SLC25A3: variants seen among roughly 807,000 people sequenced by gnomAD.
SLC25A3 encodes phosphate transport protein.
A neutral mutation model predicts 37.1 loss-of-function variants in SLC25A3; 14 were observed. That is an observed-to-expected ratio of 0.38 (90% CI 0.25 to 0.59). The LOEUF is 0.59. SLC25A3 is among the 20% of genes least tolerant of loss of function. The probability of loss-of-function intolerance (pLI) is 0.67; values close to 1 mark genes in which losing one functional copy is unlikely to be tolerated. For synonymous variants in SLC25A3, 161 were observed against 168.7 expected, an observed-to-expected ratio of 0.95 and a Z score of 0.36; for missense variants, 385 against 458.1, an observed-to-expected ratio of 0.84 and a Z score of 1.46.
At chr12:98,595,638 T>C (rs1293343057) in intron 2 of SLC25A3, 89 bp from the exon 3 acceptor site, 25 of 1,612,940 alleles carry the variant, frequency 1.5e-5, no homozygotes, top group African/African-American at 2.7e-5. Context: ...TAACAAGCTG[T>C]GTGGAAACCT....
chr12:98,601,077 GA>G, intron 6 of SLC25A3, 93 bp from the exon 7 acceptor site: 1 of 1,432,782 alleles, frequency 7.0e-7, no homozygotes, highest in African/African-American at 1.4e-5. Context: ...TTTAGAACTA[GA>G]AAAATATTAT....
intron 6 of SLC25A3, among the ~76,000 whole-genome samples, 191 bp downstream of exon 6, chr12:98,600,318 A>ACCT (rs2097596726): frequency 6.6e-6 from 1 of 150,952 alleles, no homozygotes; most frequent in African/African-American, 2.4e-5. Context: ...GCTCACTGCA[A>ACCT]CCTCCTCCTC....
intron 2 of SLC25A3, 160 bp downstream of exon 2, chr12:98,594,295 C>T: frequency 1.4e-6 from 1 of 722,222 alleles, no homozygotes; most frequent in Non-Finnish European, 2.5e-6. Context: ...GCCTTTTCCA[C>T]CATAGGCGGG....
chr12:98,597,592 T>C (rs149550150), intron 3 of SLC25A3: 10 of 399,848 alleles, frequency 2.5e-5, no homozygotes, highest in African/African-American at 2.1e-4. Context: ...CCCGTCCAAT[T>C]TTTTGTATTT....
chr12:98,604,229 GCAA>G lies in SLC25A3; in HGVS notation c.*2707_*2709del, dbSNP rs2097599944. Reference sequence around the variant, plus strand: ...ATTGCGCCATTGCACTCCAGCCTGGGCAACAACAGCGAAACTCTGTCTCAAAAA... The same window carrying G: ...ATTGCGCCATTGCACTCCAGCCTGGGCAACAGCGAAACTCTGTCTCAAAAA... On this transcript the variant is annotated 3_prime_UTR_variant, in exon 8 of 8. Coordinates refer to ENST00000552981, the MANE Select transcript of SLC25A3 (RefSeq NM_002635.4). The G allele has an allele frequency of 7.1e-6, 1 of 140,436 alleles. No homozygotes were observed. The highest frequency in any genetic ancestry group is 3.9e-3 in the Middle Eastern group (1 of 254). The allele number at this position is 140,436 out of a possible 1,614,324, so 8.7% of individuals were successfully genotyped here.
intron 4 of SLC25A3, chr12:98,598,240 A>T: frequency 3.0e-6 from 2 of 676,398 alleles, no homozygotes; most frequent in Non-Finnish European, 4.9e-6. Context: ...TTAATATACT[A>T]TCTTGTTTTC....
chr12:98,602,421 C>G lies in SLC25A3; in HGVS notation c.*893C>G, dbSNP rs1238226120. ...TCAGGTGATCCGCCCGCCTCAGCCT[C>G]CCAAACTGCTGGGATTATAGGCATG... On this transcript the variant is annotated 3_prime_UTR_variant, in exon 8 of 8. Transcript: ENST00000552981. The G allele has an allele frequency of 6.6e-6, 1 of 152,254 alleles. No individual in the cohort carries two copies. The highest frequency in any genetic ancestry group is 1.5e-5 in the Non-Finnish European group (1 of 68,058). 9.4% of individuals were successfully genotyped at this position (152,254 alleles called of 1,614,324 possible).
At position 98,601,166 on chromosome 12, in the gene SLC25A3, T is replaced by C; in HGVS notation, c.815-5T>C. 1 of 1,612,274 alleles carries C rather than the reference T, an allele frequency of 6.2e-7. No homozygotes were observed. The highest frequency in any genetic ancestry group is 8.5e-7 in the Non-Finnish European group (1 of 1,179,610). On this transcript the variant is annotated splice_region_variant and splice_polypyrimidine_tract_variant and intron_variant, in intron 6 of 7. Coordinates refer to ENST00000552981, the MANE Select transcript of SLC25A3 (RefSeq NM_002635.4). ...CACTGTATGGGATCCTTTATCTTTT[T>C]TCAGCTGGAGTCTTTTGTGCAATTG...
chr12:98,597,648 T>A, intron 3 of SLC25A3: 1 of 584,516 alleles, frequency 1.7e-6, no homozygotes, highest in African/African-American at 1.9e-5. Context: ...GGTCTTGAAC[T>A]CCTGAGCTCA....
chr12:98,600,426 T>A (rs2097596850), intron 6 of SLC25A3, among the ~76,000 whole-genome samples: 1 of 152,052 alleles, frequency 6.6e-6, no homozygotes, highest in African/African-American at 2.4e-5. Context: ...TTTTGTTTTT[T>A]TTTGAGATGG....
intron 6 of SLC25A3, among the ~76,000 whole-genome samples, chr12:98,600,770 C>T (rs945617328): frequency 1.1e-4 from 17 of 152,148 alleles, no homozygotes; most frequent in Non-Finnish European, 2.2e-4. Flanking sequence ...AACTCCTGAC[C>T]TCAGGTGATG....
At chr12:98,598,478 A>G (rs936808662) in intron 4 of SLC25A3, 44 bp from the exon 5 acceptor site, 36 of 1,611,780 alleles carry the variant, frequency 2.2e-5, no homozygotes, top group Non-Finnish European at 2.8e-5. Flanking sequence ...TTGAAAACCA[A>G]CACAACAGCA....
At position 98,594,114 on chromosome 12, in the gene SLC25A3, C is replaced by T. The variant is rs1427943844; in HGVS notation, c.136C>T (p.Leu46=). ...PTGQPRRPRN[L]AAAAVEEYSC... ...GGGCCAGCCCCGCCGCCCTCGCAACCTGGCAGCCGCCGCCGTGGAAGGTGA... is the reference window on the plus strand; with the variant it reads ...GGGCCAGCCCCGCCGCCCTCGCAACTTGGCAGCCGCCGCCGTGGAAGGTGA... Residue 46 remains leucine, a synonymous_variant, in exon 2 of 8, where the codon CTG becomes TTG. Transcript: ENST00000552981. 3 of 1,611,444 alleles carry T rather than the reference C, an allele frequency of 1.9e-6. No individual in the cohort carries two copies. The highest frequency in any genetic ancestry group is 8.5e-7 in the Non-Finnish European group (1 of 1,179,132).
chr12:98,600,132 G>C lies in SLC25A3; in HGVS notation c.814+5G>C, dbSNP rs200029342. 12 of 1,519,948 alleles carry C rather than the reference G, an allele frequency of 7.9e-6. No homozygotes were observed. Among genetic ancestry groups the C allele is most frequent in the Non-Finnish European group, 1.0e-5 (11 of 1,094,000 alleles). 94.2% of individuals were successfully genotyped at this position (1,519,948 alleles called of 1,614,324 possible). On this transcript the variant is annotated splice_donor_5th_base_variant and intron_variant, in intron 6 of 7. Transcript: ENST00000552981. Reference sequence around the variant, plus strand: ...CATTTGTAGCAGGTTACATAGGTACGAATTACTTAGAACACACTTGTCTGA... The same window carrying C: ...CATTTGTAGCAGGTTACATAGGTACCAATTACTTAGAACACACTTGTCTGA...
At chr12:98,599,731 TC>T (rs1252852129) in intron 5 of SLC25A3, 1 of 702,088 alleles carries the variant, frequency 1.4e-6, no homozygotes, top group Non-Finnish European at 2.6e-6. Flanking sequence ...CAAAGAAACA[TC>T]CAGCAACTTT....
rs1262085103 is a variant in SLC25A3 at position 98,604,557 on chromosome 12, C to T, written c.*3029C>T. ...CTTTGTCGCCCAGGCTGGAGTACAG[C>T]CTTGAACTCCTGGGCTCAAGCGATC... On this transcript the variant is annotated 3_prime_UTR_variant, in exon 8 of 8. Transcript: ENST00000552981. 6.6e-6 allele frequency: 1 copy of T among 151,554 alleles called. No homozygotes were observed. The highest frequency in any genetic ancestry group is 6.6e-5 in the Admixed American group (1 of 15,192). 9.4% of individuals were successfully genotyped at this position (151,554 alleles called of 1,614,324 possible).
intron 1 of SLC25A3, 101 bp from the exon 2 acceptor site, chr12:98,593,874 G>C (rs895759029): frequency 1.5e-6 from 2 of 1,347,218 alleles, no homozygotes; most frequent in African/African-American, 2.9e-5. Flanking sequence ...CTTCAAGGGC[G>C]TGGAGACGGG....
Position 98,601,540 on chromosome 12 carries a change from C to T in SLC25A3, c.*12C>T, listed in dbSNP as rs1592980852. On this transcript the variant is annotated 3_prime_UTR_variant, in exon 8 of 8. Transcript: ENST00000552981. Reference sequence around the variant, plus strand: ...GGTTAACTCAGTAGTTAGATCAAAGCAAATGTGGACTGAATCTGCTTGTTG... The same window carrying T: ...GGTTAACTCAGTAGTTAGATCAAAGTAAATGTGGACTGAATCTGCTTGTTG... 1 of 1,515,474 alleles carries T rather than the reference C, an allele frequency of 6.6e-7. No homozygotes were observed. Among genetic ancestry groups the T allele is most frequent in the Non-Finnish European group, 9.2e-7 (1 of 1,090,142 alleles). The allele number at this position is 1,515,474 out of a possible 1,614,324, so 93.9% of individuals were successfully genotyped here. A position where few individuals can be genotyped will look rare whatever the true frequency, so the allele number is the denominator to read the frequency against.
intron 2 of SLC25A3, chr12:98,594,874 A>C (rs1397976920): frequency 5.6e-6 from 1 of 179,514 alleles, no homozygotes; most frequent in Non-Finnish European, 1.2e-5. Flanking sequence ...TCTTTAAATC[A>C]TTCATGTGCT....
Sources: gnomAD v4.1 joint callset for allele counts (sites outside exome capture counted in the v4.1 genomes callset) on GRCh38, gnomAD v4.1.1 for gene constraint, MANE v1.5 for transcripts, NCBI Gene and HGNC (gene_info 2026-07-23, HGNC 2026-07-21) for gene names.